C8orf34: variants seen among roughly 807,000 people sequenced by gnomAD.
C8orf34 encodes the protein uncharacterized protein C8orf34.
In C8orf34, 65 loss-of-function variants were observed where a neutral mutation model predicts 68.3. The ratio of observed to expected loss-of-function variants is 0.95; its 90% CI spans 0.78 to 1.17. C8orf34 has a LOEUF of 1.17. Among genes scored for constraint, C8orf34 ranks in the 50% most tolerant of loss-of-function variants. The pLI is 0.00. For missense variants in C8orf34, 664 were observed against 655.4 expected (o/e 1.01, Z -0.14); for synonymous variants, 244 against 241.2 (o/e 1.01, Z -0.11).
chr8:68,667,811 A>C (rs1819886090), intron 8 of C8orf34, among the ~76,000 whole-genome samples: 1 of 152,210 alleles, frequency 6.6e-6, no homozygotes, highest in African/African-American at 2.4e-5. Flanking sequence ...ACTAAAAATA[A>C]AACAGTTCAG....
intron 9 of C8orf34, among the ~76,000 whole-genome samples, chr8:68,712,161 A>G (rs1821345632): frequency 6.6e-6 from 1 of 152,212 alleles, no homozygotes; most frequent in Admixed American, 6.5e-5. Context: ...CTCCCAAGTC[A>G]GCACTACAAG....
intron 8 of C8orf34, among the ~76,000 whole-genome samples, chr8:68,679,665 C>G (rs1402041717): frequency 6.6e-6 from 1 of 152,074 alleles, no homozygotes; most frequent in Non-Finnish European, 1.5e-5. Flanking sequence ...TTACCTATTA[C>G]CTAACTCCAA....
At chr8:68,739,324 C>T (rs999717157) in intron 10 of C8orf34, among the ~76,000 whole-genome samples, 1 of 152,020 alleles carries the variant, frequency 6.6e-6, no homozygotes, top group African/African-American at 2.4e-5. Context: ...GACAAACCCA[C>T]AGCCAACGTC....
At chr8:68,481,477 TC>T (rs1396139248) in intron 4 of C8orf34, among the ~76,000 whole-genome samples, 5 of 152,128 alleles carry the variant, frequency 3.3e-5, no homozygotes, top group Non-Finnish European at 5.9e-5. Flanking sequence ...GAATGGTAGA[TC>T]CACCAACAGC....
At chr8:68,615,442 T>G (rs62523181) in intron 7 of C8orf34, among the ~76,000 whole-genome samples, 1 of 152,232 alleles carries the variant, frequency 6.6e-6, no homozygotes, top group African/African-American at 2.4e-5. Context: ...TAGATAGTTC[T>G]TGTTATTTTG....
At chr8:68,421,122 A>G (rs551889498) in intron 1 of C8orf34, among the ~76,000 whole-genome samples, 57 of 152,298 alleles carry the variant, frequency 3.7e-4, no homozygotes, top group Admixed American at 7.2e-4. Flanking sequence ...AAAATTGCAA[A>G]TTACAAAAAC....
intron 5 of C8orf34, among the ~76,000 whole-genome samples, chr8:68,508,109 T>C (rs1370629076): frequency 6.6e-6 from 1 of 152,230 alleles, no homozygotes; most frequent in Non-Finnish European, 1.5e-5. Context: ...AAGAAACTCA[T>C]CCAGACTCTT....
At chr8:68,531,986 G>C (rs1012578104) in intron 6 of C8orf34, among the ~76,000 whole-genome samples, 1 of 152,022 alleles carries the variant, frequency 6.6e-6, no homozygotes, top group Non-Finnish European at 1.5e-5. Flanking sequence ...AACACCAAGA[G>C]AAGCCAGAGA....
At chr8:68,444,007 A>T (rs1167204971) in intron 2 of C8orf34, among the ~76,000 whole-genome samples, 1 of 152,094 alleles carries the variant, frequency 6.6e-6, no homozygotes, top group African/African-American at 2.4e-5. Flanking sequence ...TTTTCGGGAA[A>T]ATCTATTATG....
chr8:68,743,796 A>G (rs940463464), intron 10 of C8orf34, among the ~76,000 whole-genome samples: 9 of 152,182 alleles, frequency 5.9e-5, no homozygotes, highest in South Asian at 2.1e-4. Flanking sequence ...AGGCGGCAGC[A>G]AGGCTGGGGG....
intron 1 of C8orf34, among the ~76,000 whole-genome samples, chr8:68,414,798 G>T (rs1181171100): frequency 1.3e-5 from 2 of 152,248 alleles, no homozygotes; most frequent in Middle Eastern, 3.4e-3. Flanking sequence ...CTATGGTGAT[G>T]ATCTCTTTTG....
At chr8:68,419,943 C>T (rs1221240035) in intron 1 of C8orf34, among the ~76,000 whole-genome samples, 2 of 138,742 alleles carry the variant, frequency 1.4e-5, no homozygotes, top group Admixed American at 7.4e-5. Context: ...CTAACCTGCA[C>T]ATTGTGCACA....
At chr8:68,385,008 A>G (rs888653436) in intron 1 of C8orf34, among the ~76,000 whole-genome samples, 8 of 152,224 alleles carry the variant, frequency 5.3e-5, no homozygotes, top group African/African-American at 1.9e-4. Context: ...AAAAATATGC[A>G]ATATGCTTTT....
At chr8:68,718,040 C>A (rs928271310) in intron 9 of C8orf34, among the ~76,000 whole-genome samples, 1 of 152,186 alleles carries the variant, frequency 6.6e-6, no homozygotes, top group Non-Finnish European at 1.5e-5. Context: ...CTTATGCCAT[C>A]CTTCCCTGCC....
At chr8:68,399,772 A>G (rs1808868415) in intron 1 of C8orf34, among the ~76,000 whole-genome samples, 1 of 152,136 alleles carries the variant, frequency 6.6e-6, no homozygotes, top group South Asian at 2.1e-4. Flanking sequence ...TTACATCACC[A>G]CCAACAGTGT....
chr8:68,414,494 T>C (rs116685371), intron 1 of C8orf34, among the ~76,000 whole-genome samples: 2,248 of 152,322 alleles, frequency 0.015, 60 homozygotes, highest in African/African-American at 0.048. Flanking sequence ...TTTCAGGTAA[T>C]ATACATCTAT....
At chr8:68,691,294 AT>A (rs1820678509) in intron 8 of C8orf34, among the ~76,000 whole-genome samples, 1 of 152,034 alleles carries the variant, frequency 6.6e-6, no homozygotes, top group African/African-American at 2.4e-5. Context: ...CTGTGTCAGC[AT>A]TTTTTAGTAA....
At chr8:68,488,924 G>T (rs1260887469) in intron 5 of C8orf34, among the ~76,000 whole-genome samples, 6 of 151,844 alleles carry the variant, frequency 4.0e-5, no homozygotes, top group Admixed American at 1.3e-4. Flanking sequence ...TTAGATTCTT[G>T]TGTTGATAAT....
At chr8:68,803,301 C>T (rs1334741176) in intron 12 of C8orf34, among the ~76,000 whole-genome samples, 1 of 88,426 alleles carries the variant, frequency 1.1e-5, no homozygotes, top group African/African-American at 4.9e-5. Flanking sequence ...AAGGGTAATA[C>T]ATCCCTACTA....
Sources: gnomAD v4.1 joint callset for allele counts (sites outside exome capture counted in the v4.1 genomes callset) on GRCh38, gnomAD v4.1.1 for gene constraint, MANE v1.5 for transcripts, NCBI Gene and HGNC (gene_info 2026-07-23, HGNC 2026-07-21) for gene names.